Variants in KAZN observed in about 807,000 individuals in gnomAD.
KAZN encodes kazrin, periplakin interacting protein, also known as kazrin.
KAZN carries 40 observed loss-of-function variants against 87.4 expected under a neutral mutation model. The observed-to-expected ratio is 0.46, with a 90% CI of 0.36 to 0.60. The LOEUF (loss-of-function observed/expected upper bound fraction) is 0.60. KAZN is among the 20% of genes least tolerant of loss of function. The probability of loss-of-function intolerance (pLI) is 0.00; values close to 1 mark genes in which losing one functional copy is unlikely to be tolerated. For synonymous variants in KAZN, 466 were observed against 458.3 expected (o/e 1.02, Z -0.22); for missense variants, 898 against 1,073.9 (o/e 0.84, Z 2.29).
chr1:14,455,131 A>G (rs1667495430), intron 2 of KAZN, among the ~76,000 whole-genome samples: 1 of 152,254 alleles, frequency 6.6e-6, no homozygotes, highest in Non-Finnish European at 1.5e-5. Flanking sequence ...AGTCTCAGAA[A>G]TGACATCGCA....
At chr1:14,858,950 T>C (rs1650502121) in intron 1 of KAZN, among the ~76,000 whole-genome samples, 1 of 152,144 alleles carries the variant, frequency 6.6e-6, no homozygotes, top group Admixed American at 6.5e-5. Context: ...CTCACGCCTG[T>C]AATCCCAGCA....
At chr1:14,142,279 C>T (rs796940554) in intron 1 of KAZN, among the ~76,000 whole-genome samples, 8 of 152,268 alleles carry the variant, frequency 5.3e-5, no homozygotes, top group African/African-American at 1.9e-4. Flanking sequence ...ATTTTCAAAA[C>T]CTCCTGGTGC....
At chr1:14,677,461 A>G (rs1192554105) in intron 1 of KAZN, among the ~76,000 whole-genome samples, 6 of 152,110 alleles carry the variant, frequency 3.9e-5, no homozygotes, top group Non-Finnish European at 1.5e-5. Flanking sequence ...TGACTCACCC[A>G]TGAGACTAGC....
chr1:15,062,285 C>A (rs1384340941), intron 6 of KAZN: 1 of 152,696 alleles, frequency 6.5e-6, no homozygotes, highest in African/African-American at 2.4e-5. Flanking sequence ...AGGCCCCATT[C>A]TCTTTACCCA....
intron 2 of KAZN, among the ~76,000 whole-genome samples, chr1:14,961,711 A>G (rs75091637): frequency 0.014 from 2,203 of 152,324 alleles, 55 homozygotes; most frequent in African/African-American, 0.05. Flanking sequence ...AGAAAAGACA[A>G]TAAAGCTTTG....
chr1:13,991,903 C>T (rs1324800688), intron 1 of KAZN, among the ~76,000 whole-genome samples: 1 of 152,160 alleles, frequency 6.6e-6, no homozygotes, highest in East Asian at 1.9e-4. Context: ...CATTCCCAAC[C>T]CTCCGTGCCT....
At chr1:14,618,124 C>T (rs759127342) in intron 1 of KAZN, among the ~76,000 whole-genome samples, 5 of 152,146 alleles carry the variant, frequency 3.3e-5, no homozygotes, top group African/African-American at 7.2e-5. Context: ...TTGAATGCTG[C>T]GAGATGGCAG....
At chr1:14,507,954 G>A (rs1375666587) in intron 2 of KAZN, among the ~76,000 whole-genome samples, 1 of 147,412 alleles carries the variant, frequency 6.8e-6, no homozygotes, top group Non-Finnish European at 1.5e-5. Context: ...GCAACAGAGC[G>A]AGACTCGGTC....
chr1:14,985,226 G>A (rs1159319184), intron 2 of KAZN, among the ~76,000 whole-genome samples: 2 of 133,672 alleles, frequency 1.5e-5, no homozygotes, highest in Non-Finnish European at 3.1e-5. Flanking sequence ...GGTGGCTCAC[G>A]CCTATAATCC....
At position 14,920,263 on chromosome 1, in the gene KAZN, C is replaced by A. The variant is rs547011580; in HGVS notation, c.227-40421C>A. ...TGGGACCTGCACTTTTTTCTGTCTG[C>A]AGCCTCTTTTCTGTTTTTTTTTTTT... On this transcript the variant is annotated intron_variant, in intron 1 of 14. Transcript: ENST00000376030. 2.0e-5 allele frequency among the ~76,000 whole-genome samples: 3 copies of A among 148,250 alleles called. No individual in the cohort carries two copies. The Admixed American group carries it at 2.1e-4, about 10-fold the overall frequency.
chr1:14,509,302 T>C (rs1170857247), intron 2 of KAZN, among the ~76,000 whole-genome samples: 1 of 152,212 alleles, frequency 6.6e-6, no homozygotes, highest in Non-Finnish European at 1.5e-5. Context: ...CCCTGTTATA[T>C]AGATAATGAA....
At chr1:14,204,825 A>T (rs1486986428) in intron 2 of KAZN, among the ~76,000 whole-genome samples, 3 of 152,252 alleles carry the variant, frequency 2.0e-5, no homozygotes, top group Admixed American at 2.0e-4. Context: ...TAGAAAAGAT[A>T]ATATTGGAAC....
chr1:14,655,011 C>T (rs1029523470), intron 1 of KAZN, among the ~76,000 whole-genome samples: 5 of 152,138 alleles, frequency 3.3e-5, no homozygotes, highest in East Asian at 1.9e-4. Flanking sequence ...TGAGTGAGCC[C>T]GAGAACCTCC....
intron 1 of KAZN, among the ~76,000 whole-genome samples, chr1:14,779,647 C>T (rs1645275383): frequency 6.6e-6 from 1 of 152,190 alleles, no homozygotes; most frequent in African/African-American, 2.4e-5. Flanking sequence ...CTGCTGTGCA[C>T]TTTGTTAATT....
At chr1:14,526,252 G>C (rs753083194) in intron 2 of KAZN, among the ~76,000 whole-genome samples, 1 of 152,142 alleles carries the variant, frequency 6.6e-6, no homozygotes, top group Non-Finnish European at 1.5e-5. Flanking sequence ...CTCTACATAA[G>C]AGCAGATGTG....
intron 2 of KAZN, among the ~76,000 whole-genome samples, chr1:14,552,901 A>G (rs775061729): frequency 6.6e-6 from 1 of 152,128 alleles, no homozygotes; most frequent in Non-Finnish European, 1.5e-5. Flanking sequence ...GTGTGAGACA[A>G]TAAGGCTGGT....
intron 2 of KAZN, among the ~76,000 whole-genome samples, chr1:14,333,815 G>A (rs1571324521): frequency 6.6e-6 from 1 of 152,080 alleles, no homozygotes; most frequent in Non-Finnish European, 1.5e-5. Context: ...GAGAGAATGA[G>A]GTGTGGGTGT....
intron 2 of KAZN, among the ~76,000 whole-genome samples, chr1:14,289,301 A>T (rs1041317788): frequency 6.6e-6 from 1 of 152,082 alleles, no homozygotes; most frequent in Non-Finnish European, 1.5e-5. Context: ...TCTCATTATT[A>T]TTGTGTGGGA....
upstream of KAZN, among the ~76,000 whole-genome samples, chr1:14,596,407 C>G (rs1168356787): frequency 6.6e-6 from 1 of 152,204 alleles, no homozygotes; most frequent in African/African-American, 2.4e-5. Context: ...CCCATCCTCT[C>G]TATTTGTGTA....
Sources: gnomAD v4.1 joint callset for allele counts (sites outside exome capture counted in the v4.1 genomes callset) on GRCh38, gnomAD v4.1.1 for gene constraint, MANE v1.5 for transcripts, NCBI Gene and HGNC (gene_info 2026-07-23, HGNC 2026-07-21) for gene names.